The following PARD3 variants were observed in gnomAD, a reference collection of about 807,000 sequenced individuals.
PARD3 encodes par-3 family cell polarity regulator.
A neutral mutation model predicts 155.4 loss-of-function variants in PARD3; 75 were observed. The observed-to-expected ratio is 0.48, with a 90% CI of 0.40 to 0.58. PARD3 has a LOEUF of 0.58. PARD3 is among the 20% of genes least tolerant of loss of function. The pLI is 0.00. For synonymous variants in PARD3, 576 were observed against 610.5 expected (o/e 0.94, Z 0.83); for missense variants, 1,642 against 1,721.7 (o/e 0.95, Z 0.82).
chr10:34,439,755 G>A (rs1229872443), intron 5 of PARD3, among the ~76,000 whole-genome samples: 1 of 151,994 alleles, frequency 6.6e-6, no homozygotes, highest in African/African-American at 2.4e-5. Context: ...CATGTCAAAA[G>A]TATTACGTGC....
Position 34,674,725 on chromosome 10 carries a change from G to A in PARD3, c.222+21593C>T, listed in dbSNP as rs2093672991. 2.6e-5 allele frequency among the ~76,000 whole-genome samples: 4 copies of A among 151,976 alleles called. No individual in the cohort carries two copies. The South Asian group carries it at 8.3e-4, about 32-fold the overall frequency. ...TGGTCTCGAACTCCTGACCTAAGGT[G>A]ATCCACCTGTCTCGGCCTCCCAAAG... On this transcript the variant is annotated intron_variant, in intron 2 of 24. Transcript: ENST00000374788.
At chr10:34,175,647 A>T (rs1949999682) in intron 22 of PARD3, among the ~76,000 whole-genome samples, 2 of 152,358 alleles carry the variant, frequency 1.3e-5, no homozygotes, top group Non-Finnish European at 2.9e-5. Context: ...AGTATCAGAC[A>T]ATTTATAATA....
At chr10:34,573,156 C>G (rs909541594) in intron 2 of PARD3, among the ~76,000 whole-genome samples, 1 of 151,870 alleles carries the variant, frequency 6.6e-6, no homozygotes, top group Non-Finnish European at 1.5e-5. Context: ...AGTTCAAGAT[C>G]AGCCTGGGCA....
At chr10:34,129,700 C>CTTTTTTTTTTTT (rs1209547388) in intron 23 of PARD3, among the ~76,000 whole-genome samples, 5 of 82,984 alleles carry the variant, frequency 6.0e-5, no homozygotes, top group African/African-American at 1.8e-4. Context: ...TGTCAAGCCT[C>CTTTTTTTTTTTT]TTTTTTTTTT....
Position 34,382,830 on chromosome 10 carries a change from G to T in PARD3, c.1109C>A (p.Ser370Tyr). ...AANKEQYEQLSQSEKNNYYSS... is the reference protein window; with the variant it reads ...AANKEQYEQLYQSEKNNYYSS... The stretch of plus-strand genomic sequence containing the variant: ...ATAGTAATTGTTCTTCTCACTTTGG[G>T]ATAGTTGTTCATACTGCTCTTTATT... Residue 370 changes from serine (S) to tyrosine (Y), a missense_variant, in exon 9 of 25, where the codon TCC becomes TAC. Physicochemically the swap from Ser to Tyr is moderately radical, Grantham distance 144. Around this residue, in one of 3 missense-constraint regions of PARD3, gnomAD observed 1,529 missense variants for 1,587.3 expected, o/e 0.96. Coordinates refer to ENST00000374788, the MANE Select transcript of PARD3 (RefSeq NM_001184785.2). 1 of 1,614,132 alleles carries T rather than the reference G, an allele frequency of 6.2e-7. No homozygotes were observed.
chr10:34,458,585 AGTCTG>A (rs1351775374), intron 4 of PARD3, among the ~76,000 whole-genome samples: 3 of 152,214 alleles, frequency 2.0e-5, no homozygotes, highest in Non-Finnish European at 4.4e-5. Flanking sequence ...ACTGCAATCC[AGTCTG>A]GGCAACAGAG....
At chr10:34,799,567 G>C (rs2134317550) in intron 1 of PARD3, among the ~76,000 whole-genome samples, 1 of 152,198 alleles carries the variant, frequency 6.6e-6, no homozygotes, top group South Asian at 2.1e-4. Context: ...CCCAAGTCAG[G>C]AAAAAACCCT....
chr10:34,126,470 G>A lies in PARD3; in HGVS notation c.3540+4993C>T, dbSNP rs555759981. Among the ~76,000 whole-genome samples the A allele has an allele frequency of 3.3e-5, 5 of 152,192 alleles. No homozygotes were observed. The South Asian group carries it at 1.0e-3, about 32-fold the overall frequency. On this transcript the variant is annotated intron_variant, in intron 23 of 24. Coordinates refer to ENST00000374788, the MANE Select transcript of PARD3 (RefSeq NM_001184785.2). ...CAAGCATGACAATTTCAACTAATAT[G>A]GGCTCAGTTGTACACACAGCTTGAA... is the stretch of plus-strand genomic sequence containing the variant.
chr10:34,283,036 G>C (rs1433305729), intron 21 of PARD3, among the ~76,000 whole-genome samples: 1 of 152,014 alleles, frequency 6.6e-6, no homozygotes, highest in Non-Finnish European at 1.5e-5. Flanking sequence ...CAGAGACTCA[G>C]AGTAACCATT....
intron 1 of PARD3, among the ~76,000 whole-genome samples, chr10:34,715,433 T>C (rs1564538670): frequency 6.6e-6 from 1 of 152,142 alleles, no homozygotes; most frequent in Non-Finnish European, 1.5e-5. Flanking sequence ...TACCTTCATA[T>C]ATGACAAGAT....
intron 5 of PARD3, among the ~76,000 whole-genome samples, chr10:34,407,845 GAA>G (rs57637567): frequency 8.7e-5 from 13 of 148,856 alleles, no homozygotes; most frequent in Non-Finnish European, 1.3e-4. Context: ...AAAAAAAAAA[GAA>G]AAAAAAAATC....
At chr10:34,359,899 G>C (rs1237115492) in intron 13 of PARD3, among the ~76,000 whole-genome samples, 172 bp downstream of exon 13, 1 of 152,152 alleles carries the variant, frequency 6.6e-6, no homozygotes, top group African/African-American at 2.4e-5. Flanking sequence ...TGAAGTTATG[G>C]ACTCCATCCC....
intron 2 of PARD3, among the ~76,000 whole-genome samples, chr10:34,645,404 T>C (rs2092807583): frequency 6.6e-6 from 1 of 151,260 alleles, no homozygotes; most frequent in Non-Finnish European, 1.5e-5. Context: ...CGGGGTTTCA[T>C]CGTGTTGACC....
chr10:34,636,055 A>AAAGGAAGGAAGAAGG (rs1383335574), intron 2 of PARD3, among the ~76,000 whole-genome samples: 14 of 152,072 alleles, frequency 9.2e-5, no homozygotes, highest in Non-Finnish European at 1.3e-4. Flanking sequence ...AAGAAAGAAG[A>AAAGGAAGGAAGAAGG]AAGGAAGGAA....
chr10:34,199,663 G>A lies in PARD3; in HGVS notation c.3420-68080C>T, dbSNP rs184235735. ...AGCATGAATAGAATTTAAAAAAATA[G>A]GAGTATCAAACATTTACTTCCTACT... On this transcript the variant is annotated intron_variant, in intron 22 of 24. Transcript: ENST00000374788. Among the ~76,000 whole-genome samples, 3 of 152,270 alleles carry A rather than the reference G, an allele frequency of 2.0e-5. No homozygotes were observed. In the East Asian group the frequency reaches 5.8e-4, roughly 29 times the overall value.
chr10:34,602,058 C>T (rs1382625794), intron 2 of PARD3, among the ~76,000 whole-genome samples: 1 of 152,138 alleles, frequency 6.6e-6, no homozygotes, highest in African/African-American at 2.4e-5. Flanking sequence ...AAGAAGTGTA[C>T]TTTGTCGAAC....
intron 7 of PARD3, among the ~76,000 whole-genome samples, chr10:34,396,937 T>C (rs10508805): frequency 0.59 from 89,035 of 152,010 alleles, 28,271 homozygotes; most frequent in African/African-American, 0.85. Flanking sequence ...TAATTCAGAC[T>C]ATTCTTCCCC....
At chr10:34,716,720 G>A (rs1260288558) in intron 1 of PARD3, among the ~76,000 whole-genome samples, 6 of 150,804 alleles carry the variant, frequency 4.0e-5, no homozygotes, top group Non-Finnish European at 8.8e-5. Flanking sequence ...AGCCTCCCGA[G>A]TAGCTGGGAT....
intron 20 of PARD3, among the ~76,000 whole-genome samples, chr10:34,306,084 C>T (rs903701447): frequency 1.3e-5 from 2 of 151,400 alleles, no homozygotes; most frequent in Non-Finnish European, 2.9e-5. Flanking sequence ...ATTTGAGGTC[C>T]AGAGTTGGAG....
Sources: allele counts gnomAD v4.1 joint callset (sites outside exome capture counted in the v4.1 genomes callset), GRCh38; gene constraint gnomAD v4.1.1; regional missense constraint gnomAD v4.1.1; transcripts MANE v1.5; gene names NCBI Gene and HGNC (gene_info 2026-07-23, HGNC 2026-07-21).